The following COPS5 variants were observed in gnomAD, a reference collection of about 807,000 sequenced individuals.
COPS5 encodes the protein COP9 signalosome complex subunit 5.
COPS5 carries 8 observed loss-of-function variants against 44.4 expected under a neutral mutation model. The observed-to-expected ratio is 0.18, with a 90% confidence interval of 0.11 to 0.32. The LOEUF is 0.32. COPS5 is among the 10% of genes least tolerant of loss of function. The pLI, the probability that COPS5 is intolerant of heterozygous loss-of-function variation, is 1.00. For synonymous variants in COPS5, 122 were observed against 142.8 expected, an observed-to-expected ratio of 0.85 and a Z score of 1.04; for missense variants, 159 against 406.4, an observed-to-expected ratio of 0.39 and a Z score of 5.23.
intron 6 of COPS5, among the ~76,000 whole-genome samples, chr8:67,046,846 A>AC (rs1816707276): frequency 2.0e-5 from 3 of 149,326 alleles, no homozygotes; most frequent in Non-Finnish European, 3.0e-5. Context: ...AAAAAAAAAA[A>AC]AACAAACACT....
At chr8:67,059,483 A>G (rs200780478) in intron 1 of COPS5, 38 bp from the exon 2 acceptor site, 6 of 1,477,960 alleles carry the variant, frequency 4.1e-6, no homozygotes, top group Non-Finnish European at 4.7e-6. Flanking sequence ...AATTCCTTAT[A>G]TAAAGTAAAA....
chr8:67,057,351 C>T, intron 4 of COPS5, 29 bp downstream of exon 4: 1 of 1,497,652 alleles, frequency 6.7e-7, no homozygotes, highest in Non-Finnish European at 9.2e-7. Context: ...CACAGTGAGA[C>T]TCTAACTCTT....
At chr8:67,044,541 A>C (rs1020417734) in intron 7 of COPS5, 4 of 152,052 alleles carry the variant, frequency 2.6e-5, no homozygotes, top group African/African-American at 9.7e-5. Context: ...ATAGAAGTCA[A>C]TATGTTTCTT....
intron 5 of COPS5, among the ~76,000 whole-genome samples, chr8:67,053,023 A>T (rs577768365): frequency 1.3e-5 from 2 of 151,886 alleles, no homozygotes; most frequent in Non-Finnish European, 2.9e-5. Context: ...GGAAGATGAG[A>T]AGAGACAGAG....
intron 6 of COPS5, among the ~76,000 whole-genome samples, chr8:67,049,268 G>A (rs1381710731): frequency 1.3e-5 from 2 of 152,160 alleles, no homozygotes; most frequent in African/African-American, 4.8e-5. Context: ...TTCAACGCCA[G>A]CTTGGGCAAC....
chr8:67,052,823 A>G (rs1804438788), intron 5 of COPS5, among the ~76,000 whole-genome samples: 1 of 150,060 alleles, frequency 6.7e-6, no homozygotes, highest in Non-Finnish European at 1.5e-5. Context: ...TCTGTCTTAA[A>G]AAAAAAAAAA....
chr8:67,062,088 A>AG lies in COPS5; in HGVS notation c.-93_-92insC, dbSNP rs767381640. On this transcript the variant is annotated 5_prime_UTR_variant, in exon 1 of 8. Transcript: ENST00000357849. ...GGTGTGGGCCTTGACCCTCCGCACC[A>AG]CGGGAACAAACTCTTACCTAGACTC... 3 of 1,588,938 alleles carry AG rather than the reference A, an allele frequency of 1.9e-6. No homozygotes were observed. The highest frequency in any genetic ancestry group is 2.6e-6 in the Non-Finnish European group (3 of 1,170,090).
intron 4 of COPS5, among the ~76,000 whole-genome samples, chr8:67,056,949 T>C (rs946742015): frequency 7.9e-5 from 12 of 151,852 alleles, no homozygotes; most frequent in East Asian, 1.9e-4. Flanking sequence ...GGGAAGGAAA[T>C]AGACCTATAG....
At chr8:67,055,633 C>T (rs1804491077) in intron 5 of COPS5, among the ~76,000 whole-genome samples, 1 of 151,980 alleles carries the variant, frequency 6.6e-6, no homozygotes, top group Non-Finnish European at 1.5e-5. Context: ...TTTGGGAGGC[C>T]GAGGCGGGTG....
In COPS5 at chr8:67,062,047, C is replaced by T. The variant is rs1370849640; in HGVS notation, c.-51G>A. The T allele has an allele frequency of 6.2e-7, 1 of 1,613,244 alleles. No homozygotes were observed. The highest frequency in any genetic ancestry group is 2.2e-5 in the East Asian group (1 of 44,874). On this transcript the variant is annotated 5_prime_UTR_variant, in exon 1 of 8. Coordinates refer to ENST00000357849, the MANE Select transcript of COPS5 (RefSeq NM_006837.3). Reference sequence around the variant, plus strand: ...TCTCTACAACCAAGACGCAACTTTACCTCGCTAGGTTTCCGGGTGTGGGCC... The same window carrying T: ...TCTCTACAACCAAGACGCAACTTTATCTCGCTAGGTTTCCGGGTGTGGGCC...
intron 5 of COPS5, among the ~76,000 whole-genome samples, chr8:67,053,099 G>A (rs1316931288): frequency 6.6e-6 from 1 of 151,856 alleles, no homozygotes; most frequent in Non-Finnish European, 1.5e-5. Context: ...AAAACAGAAT[G>A]CTTTTTCTGA....
At chr8:67,053,400 T>C (rs1273709706) in intron 5 of COPS5, among the ~76,000 whole-genome samples, 1 of 150,774 alleles carries the variant, frequency 6.6e-6, no homozygotes, top group Non-Finnish European at 1.5e-5. Context: ...AAATAAAACA[T>C]AATAAATTAA....
intron 7 of COPS5, chr8:67,044,974 A>G (rs1289747426): frequency 6.6e-6 from 1 of 152,192 alleles, no homozygotes; most frequent in Non-Finnish European, 1.5e-5. Flanking sequence ...CTGAAGGTCC[A>G]CATAATTATT....
intron 7 of COPS5, chr8:67,045,562 C>CT (rs1816690930): frequency 2.3e-6 from 1 of 441,740 alleles, no homozygotes; most frequent in Admixed American, 3.7e-5. Context: ...GAAAAGGTGA[C>CT]TGGGAGTGTT....
chr8:67,049,310 A>G (rs1816739734), intron 6 of COPS5, among the ~76,000 whole-genome samples: 1 of 152,152 alleles, frequency 6.6e-6, no homozygotes, highest in Non-Finnish European at 1.5e-5. Flanking sequence ...AAAAAGATAC[A>G]AAAATTAGCC....
intron 6 of COPS5, among the ~76,000 whole-genome samples, chr8:67,050,311 T>A (rs201279190): frequency 6.6e-6 from 1 of 152,336 alleles, no homozygotes; most frequent in African/African-American, 2.4e-5. Context: ...TCTTTTTTTT[T>A]CTCCTAGTAT....
chr8:67,057,055 T>C (rs1804524553), intron 4 of COPS5, among the ~76,000 whole-genome samples: 1 of 152,170 alleles, frequency 6.6e-6, no homozygotes, highest in South Asian at 2.1e-4. Context: ...AAATTAACAA[T>C]ATATAACATA....
At chr8:67,047,972 A>G in intron 6 of COPS5, 1 of 694,186 alleles carries the variant, frequency 1.4e-6, no homozygotes. Flanking sequence ...TCTGACTACT[A>G]AGGATAAGAA....
intron 5 of COPS5, among the ~76,000 whole-genome samples, chr8:67,051,648 C>G (rs1804415838): frequency 6.6e-6 from 1 of 152,180 alleles, no homozygotes; most frequent in Admixed American, 6.5e-5. Context: ...TTCATAAATT[C>G]AAGCCAACAG....
Sources: allele counts gnomAD v4.1 joint callset (sites outside exome capture counted in the v4.1 genomes callset), GRCh38; gene constraint gnomAD v4.1.1; transcripts MANE v1.5; gene names NCBI Gene and HGNC (gene_info 2026-07-23, HGNC 2026-07-21).